The following DGKB variants were observed in gnomAD, a reference collection of about 807,000 sequenced individuals.
The protein encoded by DGKB is diacylglycerol kinase beta.
DGKB carries 67 observed loss-of-function variants against 114.3 expected under a neutral mutation model. The observed-to-expected ratio is 0.59, with a 90% CI of 0.48 to 0.72. DGKB has a LOEUF of 0.72. Among genes scored for constraint, DGKB ranks in the 30% least tolerant of loss-of-function variants. The pLI is 0.00. For synonymous variants in DGKB, 398 were observed against 323.1 expected (o/e 1.23, Z -2.49); for missense variants, 907 against 975.2 (o/e 0.93, Z 0.93).
chr7:14,873,771 T>C (rs937712690), intron 1 of DGKB, among the ~76,000 whole-genome samples: 2 of 151,998 alleles, frequency 1.3e-5, no homozygotes, highest in Non-Finnish European at 2.9e-5. Context: ...AATTATAGAT[T>C]CACGATTGCC....
chr7:14,422,606 T>G (rs1293200892), intron 21 of DGKB, among the ~76,000 whole-genome samples: 2 of 152,004 alleles, frequency 1.3e-5, no homozygotes, highest in African/African-American at 4.8e-5. Context: ...TATTATTTTA[T>G]TTGATAGTGA....
At chr7:14,710,504 C>T (rs1043794167) in intron 6 of DGKB, among the ~76,000 whole-genome samples, 1 of 152,010 alleles carries the variant, frequency 6.6e-6, no homozygotes, top group Non-Finnish European at 1.5e-5. Flanking sequence ...GCCTTATTGC[C>T]ATGAGCAATG....
At chr7:14,655,491 C>A (rs1019508198) in intron 13 of DGKB, among the ~76,000 whole-genome samples, 2 of 151,632 alleles carry the variant, frequency 1.3e-5, no homozygotes, top group African/African-American at 4.8e-5. Flanking sequence ...CCTTAAAAAA[C>A]TAAAAATAGA....
At chr7:14,874,191 C>A (rs1169397929) in intron 1 of DGKB, among the ~76,000 whole-genome samples, 2 of 152,034 alleles carry the variant, frequency 1.3e-5, no homozygotes. Flanking sequence ...AAAATACGTA[C>A]AAATTCAGAG....
intron 6 of DGKB, among the ~76,000 whole-genome samples, chr7:14,716,362 AC>A (rs1316665149): frequency 6.6e-6 from 1 of 152,198 alleles, no homozygotes; most frequent in African/African-American, 2.4e-5. Flanking sequence ...AGAACCTCTA[AC>A]CTAAATCAAA....
intron 13 of DGKB, among the ~76,000 whole-genome samples, chr7:14,642,539 C>T (rs1050510781): frequency 6.6e-6 from 1 of 152,086 alleles, no homozygotes; most frequent in Non-Finnish European, 1.5e-5. Flanking sequence ...ACAGAAACAA[C>T]TTCACACAGA....
At chr7:14,641,005 C>G (rs1045796102) in intron 13 of DGKB, among the ~76,000 whole-genome samples, 5 of 152,102 alleles carry the variant, frequency 3.3e-5, no homozygotes, top group Non-Finnish European at 7.4e-5. Flanking sequence ...TGCCCCAACC[C>G]CAAATTTCTT....
chr7:14,917,447 C>T (rs770981400), intron 1 of DGKB, among the ~76,000 whole-genome samples: 49 of 152,026 alleles, frequency 3.2e-4, no homozygotes, highest in Non-Finnish European at 5.3e-4. Context: ...TAGAGGTCAT[C>T]ACTGATCCCA....
At chr7:14,849,356 A>G (rs1366190070) in intron 1 of DGKB, among the ~76,000 whole-genome samples, 2 of 152,074 alleles carry the variant, frequency 1.3e-5, no homozygotes, top group Non-Finnish European at 2.9e-5. Flanking sequence ...TAACAATATT[A>G]TCAAGTGGGA....
intron 21 of DGKB, among the ~76,000 whole-genome samples, chr7:14,437,282 G>C (rs1179438114): frequency 7.5e-6 from 1 of 133,986 alleles, no homozygotes. Flanking sequence ...TAGTAACCAA[G>C]TCCATAAGAA....
At chr7:14,440,358 C>G (rs1014472337) in intron 21 of DGKB, among the ~76,000 whole-genome samples, 10 of 152,076 alleles carry the variant, frequency 6.6e-5, no homozygotes, top group Admixed American at 6.6e-5. Context: ...CAGTGATTTA[C>G]TGAGTTGATC....
intron 1 of DGKB, among the ~76,000 whole-genome samples, chr7:14,953,039 C>T (rs547531301): frequency 6.6e-6 from 1 of 152,116 alleles, no homozygotes; most frequent in African/African-American, 2.4e-5. Flanking sequence ...ACCTACCTCA[C>T]ACCCAACATA....
intron 23 of DGKB, among the ~76,000 whole-genome samples, chr7:14,288,564 C>A (rs1473467989): frequency 1.3e-5 from 2 of 151,730 alleles, no homozygotes; most frequent in Non-Finnish European, 2.9e-5. Context: ...TCATTCATTA[C>A]TCTCTCCTTT....
chr7:14,410,142 A>T (rs566607784), intron 21 of DGKB, among the ~76,000 whole-genome samples: 5 of 152,036 alleles, frequency 3.3e-5, no homozygotes, highest in East Asian at 1.9e-4. Context: ...ATCTGTATTC[A>T]CACTCAAATG....
chr7:14,474,612 T>C (rs1781892473), intron 21 of DGKB, among the ~76,000 whole-genome samples: 1 of 145,032 alleles, frequency 6.9e-6, no homozygotes, highest in African/African-American at 2.5e-5. Context: ...TTAATGTTGC[T>C]TATTTTAGTA....
chr7:14,308,274 C>T (rs530650141), intron 23 of DGKB, among the ~76,000 whole-genome samples: 4 of 151,948 alleles, frequency 2.6e-5, no homozygotes, highest in Admixed American at 6.6e-5. Flanking sequence ...TTTAATAATA[C>T]CCCTAAATTT....
At chr7:14,574,102 C>T (rs1004604749) in intron 20 of DGKB, 110 bp downstream of exon 20, 1 of 843,720 alleles carries the variant, frequency 1.2e-6, no homozygotes, top group African/African-American at 1.7e-5. Context: ...TTTGATGGCA[C>T]AAAAGGTAAA....
chr7:14,778,637 C>A (rs1414329433), intron 2 of DGKB, among the ~76,000 whole-genome samples: 3 of 152,054 alleles, frequency 2.0e-5, no homozygotes, highest in Non-Finnish European at 2.9e-5. Context: ...AGGTCTCATG[C>A]AAAGTTTACT....
intron 20 of DGKB, among the ~76,000 whole-genome samples, chr7:14,513,901 C>T (rs566919050): frequency 6.6e-6 from 1 of 152,044 alleles, no homozygotes; most frequent in African/African-American, 2.4e-5. Context: ...AAATGTTCTA[C>T]CTTTTATTTT....
Sources: gnomAD v4.1 joint callset for allele counts (sites outside exome capture counted in the v4.1 genomes callset) on GRCh38, gnomAD v4.1.1 for gene constraint, MANE v1.5 for transcripts, NCBI Gene and HGNC (gene_info 2026-07-23, HGNC 2026-07-21) for gene names.